SLC30A8: variants seen among roughly 807,000 people sequenced by gnomAD.
The protein encoded by SLC30A8 is proton-coupled zinc antiporter SLC30A8.
In SLC30A8, 27 loss-of-function variants were observed where a neutral mutation model predicts 36.9. The ratio of observed to expected loss-of-function variants is 0.73; its 90% CI spans 0.54 to 1.01. The LOEUF is 1.01. Among genes scored for constraint, SLC30A8 ranks in the 50% least tolerant of loss-of-function variants. SLC30A8 has a pLI of 0.00. For synonymous variants in SLC30A8, 164 were observed against 172.4 expected (o/e 0.95, Z 0.38); for missense variants, 439 against 452.0 (o/e 0.97, Z 0.26).
At chr8:116,986,464 C>T (rs569517054) in intron 1 of SLC30A8, among the ~76,000 whole-genome samples, 4 of 152,154 alleles carry the variant, frequency 2.6e-5, no homozygotes, top group African/African-American at 9.6e-5. Context: ...GGCAGTTCTA[C>T]CTATTGGACA....
At position 117,041,137 on chromosome 8, in the gene SLC30A8, T is replaced by C. The variant is rs569543982; in HGVS notation, c.-226+1879T>C. On this transcript the variant is annotated intron_variant, in intron 2 of 10. Transcript: ENST00000427715. ...TGACTGTTTTATTGCCCTGAAACTA[T>C]GCACTCAGCTTCTTCTGAGGCTTCC... Among the ~76,000 whole-genome samples, 29 of 152,300 alleles carry C rather than the reference T, an allele frequency of 1.9e-4. No homozygotes were observed. The South Asian group carries it at 5.8e-3, about 30-fold the overall frequency.
intron 3 of SLC30A8, among the ~76,000 whole-genome samples, chr8:117,154,200 T>C (rs144668587): frequency 3.2e-4 from 49 of 152,256 alleles, no homozygotes; most frequent in Non-Finnish European, 4.0e-4. Flanking sequence ...CATCTAGGTA[T>C]TGATAAGGGT....
At chr8:116,952,898 G>A (rs898557035) in intron 1 of SLC30A8, among the ~76,000 whole-genome samples, 1 of 148,892 alleles carries the variant, frequency 6.7e-6, no homozygotes, top group African/African-American at 2.5e-5. Flanking sequence ...TTAGATTCAG[G>A]GGGTATATGT....
chr8:117,022,938 C>T (rs906285029), intron 1 of SLC30A8, among the ~76,000 whole-genome samples: 7 of 152,044 alleles, frequency 4.6e-5, no homozygotes, highest in African/African-American at 1.7e-4. Flanking sequence ...GATGAATAGG[C>T]AACCTATAGA....
At chr8:117,048,858 T>TA (rs1418082326) in intron 2 of SLC30A8, among the ~76,000 whole-genome samples, 3 of 152,172 alleles carry the variant, frequency 2.0e-5, no homozygotes, top group Non-Finnish European at 2.9e-5. Flanking sequence ...CCGATTGGAT[T>TA]AAAAAAATCT....
chr8:117,049,054 A>T (rs148786075), intron 2 of SLC30A8, among the ~76,000 whole-genome samples: 83 of 152,340 alleles, frequency 5.4e-4, no homozygotes, highest in Non-Finnish European at 1.1e-3. Context: ...TTCTAGTATC[A>T]TACAGGGTAA....
chr8:117,171,064 T>C lies in SLC30A8; in HGVS notation c.860T>C (p.Val287Ala). 1 of 1,610,218 alleles carries C rather than the reference T, an allele frequency of 6.2e-7. No homozygotes were observed. Among genetic ancestry groups the C allele is most frequent in the Non-Finnish European group, 8.5e-7 (1 of 1,178,210 alleles). The change falls in exon 7 of 8, where the codon GTG (valine) becomes GCG (alanine). Residue 287 changes from valine (V) to alanine (A), a missense_variant. Transcript: ENST00000456015. ...GVPKSLNYSG[V>A]KELILAVDGV... The stretch of plus-strand genomic sequence containing the variant: ...CCAAAGAGCCTGAATTACAGTGGTG[T>C]GAAAGAGCTTATTTTAGCAGTCGAC...
intron 1 of SLC30A8, among the ~76,000 whole-genome samples, chr8:117,024,135 T>C (rs763381794): frequency 6.6e-6 from 1 of 152,230 alleles, no homozygotes; most frequent in Non-Finnish European, 1.5e-5. Context: ...GTTGGATAGA[T>C]ATTGTTTATC....
At position 117,176,511 on chromosome 8, in the gene SLC30A8, C is replaced by T. The variant is rs1224269879; in HGVS notation, c.*3830C>T. The T allele has an allele frequency of 2.6e-5, 4 of 152,478 alleles. No individual in the cohort carries two copies. The highest frequency in any genetic ancestry group is 5.9e-5 in the Non-Finnish European group (4 of 67,976). 9.4% of individuals were successfully genotyped at this position (152,478 alleles called of 1,614,324 possible). On this transcript the variant is annotated 3_prime_UTR_variant, in exon 8 of 8. Coordinates refer to ENST00000456015, the MANE Select transcript of SLC30A8 (RefSeq NM_173851.3). ...ACACACATCCCAAGCTTTACAAATCCTGCCTGGCTTGACAGTGATGAGGCC... is the reference window on the plus strand; with the variant it reads ...ACACACATCCCAAGCTTTACAAATCTTGCCTGGCTTGACAGTGATGAGGCC...
chr8:117,076,639 G>C (rs1327490076), intron 2 of SLC30A8, among the ~76,000 whole-genome samples: 2 of 152,102 alleles, frequency 1.3e-5, no homozygotes, highest in Non-Finnish European at 2.9e-5. Flanking sequence ...ACCTATTCCA[G>C]TTTTTAGGTT....
chr8:117,150,370 A>G (rs1822122324), intron 2 of SLC30A8, among the ~76,000 whole-genome samples: 1 of 152,114 alleles, frequency 6.6e-6, no homozygotes, highest in Admixed American at 6.6e-5. Context: ...ACACCATCTC[A>G]GTTGGAGGTG....
chr8:117,170,388 T>C lies in SLC30A8; in HGVS notation c.830-646T>C, dbSNP rs536754581. 1.1e-3 allele frequency among the ~76,000 whole-genome samples: 175 copies of C among 152,296 alleles called. 1 individual carries two copies. The highest frequency in any genetic ancestry group is 3.8e-3 in the African/African-American group (159 of 41,576). ...AAAAAGGGCTGTACTTAGACATCTC[T>C]TCTACAGCATCCTCCAATGTAGCTA... On this transcript the variant is annotated intron_variant, in intron 6 of 7. Coordinates refer to ENST00000456015, the MANE Select transcript of SLC30A8 (RefSeq NM_173851.3).
intron 1 of SLC30A8, among the ~76,000 whole-genome samples, chr8:117,032,125 T>C (rs1340751487): frequency 6.6e-6 from 1 of 152,154 alleles, no homozygotes; most frequent in African/African-American, 2.4e-5. Flanking sequence ...GCATGCTTTG[T>C]GATCTAGCTG....
chr8:117,106,645 G>A (rs1447777774), intron 2 of SLC30A8, among the ~76,000 whole-genome samples: 5 of 152,250 alleles, frequency 3.3e-5, no homozygotes, highest in African/African-American at 1.2e-4. Context: ...TGTCAATTCA[G>A]TGTTTATTTC....
chr8:117,015,002 A>C (rs758133889), intron 1 of SLC30A8, among the ~76,000 whole-genome samples: 1 of 134,244 alleles, frequency 7.4e-6, no homozygotes, highest in Non-Finnish European at 1.6e-5. Flanking sequence ...CTATATATCT[A>C]TATATATTAC....
intron 1 of SLC30A8, among the ~76,000 whole-genome samples, chr8:116,990,084 G>A (rs190149213): frequency 7.2e-5 from 11 of 152,294 alleles, no homozygotes; most frequent in East Asian, 1.9e-4. Flanking sequence ...TCCAATTCCT[G>A]AGGCTGAAAT....
chr8:116,986,700 A>T (rs1815454108), intron 1 of SLC30A8, among the ~76,000 whole-genome samples: 1 of 152,102 alleles, frequency 6.6e-6, no homozygotes, highest in South Asian at 2.1e-4. Flanking sequence ...ATCAGCAACC[A>T]CAGTGCAGGA....
At chr8:116,961,854 T>A (rs568348593) in intron 1 of SLC30A8, among the ~76,000 whole-genome samples, 1 of 151,960 alleles carries the variant, frequency 6.6e-6, no homozygotes, top group East Asian at 1.9e-4. Context: ...AGCCTCAAAC[T>A]CCTGTATGAG....
intron 2 of SLC30A8, among the ~76,000 whole-genome samples, chr8:117,152,428 T>C (rs1290757660): frequency 6.6e-6 from 1 of 152,116 alleles, no homozygotes; most frequent in African/African-American, 2.4e-5. Context: ...TCCCTGTTAT[T>C]TCTTACAGGG....
Sources: allele counts gnomAD v4.1 joint callset (sites outside exome capture counted in the v4.1 genomes callset), GRCh38; gene constraint gnomAD v4.1.1; transcripts MANE v1.5; gene names NCBI Gene and HGNC (gene_info 2026-07-23, HGNC 2026-07-21).